Variants in TRPM3 observed in about 807,000 individuals in gnomAD.
The protein encoded by TRPM3 is transient receptor potential cation channel subfamily M member 3.
In TRPM3, 77 loss-of-function variants were observed where a neutral mutation model predicts 181.2. The observed-to-expected ratio is 0.42, with a 90% CI of 0.35 to 0.51. TRPM3 has a LOEUF of 0.51. Ranked by LOEUF, TRPM3 falls within the 20% of genes least tolerant of loss-of-function variation. The pLI is 0.01. For missense variants in TRPM3, 1,759 were observed against 2,196.7 expected, an observed-to-expected ratio of 0.80 and a Z score of 3.98; for synonymous variants, 745 against 796.4, an observed-to-expected ratio of 0.94 and a Z score of 1.09.
chr9:71,187,789 C>A (rs1053474895), intron 1 of TRPM3, among the ~76,000 whole-genome samples: 2 of 151,740 alleles, frequency 1.3e-5, no homozygotes, highest in African/African-American at 2.4e-5. Flanking sequence ...AATATATGAT[C>A]ATATATATGA....
At chr9:71,393,765 G>T (rs2093121474) in intron 1 of TRPM3, among the ~76,000 whole-genome samples, 1 of 152,144 alleles carries the variant, frequency 6.6e-6, no homozygotes, top group African/African-American at 2.4e-5. Context: ...TCAGGGTACT[G>T]AACAGTTGGC....
chr9:71,057,419 T>A (rs2060790604), intron 1 of TRPM3, among the ~76,000 whole-genome samples: 2 of 152,104 alleles, frequency 1.3e-5, no homozygotes, highest in Admixed American at 6.6e-5. Context: ...GTTAGACTGA[T>A]GCAGCATCAT....
At chr9:70,835,805 T>C (rs911091164) in intron 5 of TRPM3, among the ~76,000 whole-genome samples, 1 of 152,130 alleles carries the variant, frequency 6.6e-6, no homozygotes. Flanking sequence ...CTGTTATTAA[T>C]ATAGAGAAGC....
At chr9:70,811,263 T>C (rs1196677546) in intron 6 of TRPM3, 2 of 1,588,892 alleles carry the variant, frequency 1.3e-6, no homozygotes, top group African/African-American at 2.7e-5. Context: ...AAATAAAATC[T>C]TTGAAATTTC....
At chr9:71,163,387 T>C (rs1038269920) in intron 1 of TRPM3, among the ~76,000 whole-genome samples, 1 of 151,960 alleles carries the variant, frequency 6.6e-6, no homozygotes, top group African/African-American at 2.4e-5. Context: ...ATTAGGGAGA[T>C]GGAAATGGCA....
intron 1 of TRPM3, among the ~76,000 whole-genome samples, chr9:71,402,472 A>G (rs1368145807): frequency 6.6e-6 from 1 of 152,162 alleles, no homozygotes; most frequent in Non-Finnish European, 1.5e-5. Flanking sequence ...TGTCATGCAT[A>G]TATCAAAGGT....
At chr9:70,582,830 C>A (rs1444937853) in intron 22 of TRPM3, among the ~76,000 whole-genome samples, 1 of 152,132 alleles carries the variant, frequency 6.6e-6, no homozygotes, top group African/African-American at 2.4e-5. Flanking sequence ...TAAGAGATCC[C>A]TGTGGCCACA....
chr9:70,683,968 A>G (rs955043754), intron 8 of TRPM3, among the ~76,000 whole-genome samples: 1 of 152,212 alleles, frequency 6.6e-6, no homozygotes, highest in Non-Finnish European at 1.5e-5. Flanking sequence ...TGTATCATGT[A>G]CTTAGCTGGC....
At chr9:70,966,891 G>A (rs1241692260) in intron 1 of TRPM3, among the ~76,000 whole-genome samples, 1 of 152,020 alleles carries the variant, frequency 6.6e-6, no homozygotes, top group African/African-American at 2.4e-5. Context: ...TCAAATAAGA[G>A]TTTAAAAATG....
Position 70,625,154 on chromosome 9 carries a change from C to T in TRPM3, c.1809+37G>A, listed in dbSNP as rs1186012068. 2 of 1,612,164 alleles carry T rather than the reference C, an allele frequency of 1.2e-6. No homozygotes were observed. The highest frequency in any genetic ancestry group is 8.5e-7 in the Non-Finnish European group (1 of 1,178,976). ...AACCCAAATCCCATACACCCTAGTCCTCCCAGGAAGGGCCCCGAATTTGCA... is the reference window on the plus strand; with the variant it reads ...AACCCAAATCCCATACACCCTAGTCTTCCCAGGAAGGGCCCCGAATTTGCA... On this transcript the variant is annotated intron_variant, in intron 14 of 25. Transcript: ENST00000677713. This position sits in a 1 kb window ranked among gnomAD's most constrained non-coding sequence, Gnocchi z 4.8.
At chr9:71,291,408 G>A (rs2085797826) in intron 1 of TRPM3, among the ~76,000 whole-genome samples, 2 of 152,098 alleles carry the variant, frequency 1.3e-5, no homozygotes, top group Non-Finnish European at 2.9e-5. Flanking sequence ...TGTTTTGCCA[G>A]CAGTGCTCTT....
intron 1 of TRPM3, among the ~76,000 whole-genome samples, chr9:71,371,385 T>C (rs1022728005): frequency 3.3e-5 from 5 of 152,146 alleles, no homozygotes; most frequent in African/African-American, 9.6e-5. Flanking sequence ...GAGGTGAATA[T>C]AGCAACCTTA....
intron 1 of TRPM3, among the ~76,000 whole-genome samples, chr9:70,951,876 C>A (rs2097005183): frequency 6.6e-6 from 1 of 152,196 alleles, no homozygotes; most frequent in Admixed American, 6.6e-5. Context: ...TCTAGAATTT[C>A]TGATCAACTG....
At chr9:71,010,009 G>A (rs897676728) in intron 1 of TRPM3, among the ~76,000 whole-genome samples, 4 of 152,090 alleles carry the variant, frequency 2.6e-5, no homozygotes, top group Non-Finnish European at 5.9e-5. Flanking sequence ...AAATGATGCT[G>A]GGAAAATTGG....
chr9:71,165,652 A>C (rs1357242807), intron 1 of TRPM3, among the ~76,000 whole-genome samples: 1 of 152,076 alleles, frequency 6.6e-6, no homozygotes, highest in Non-Finnish European at 1.5e-5. Context: ...GAGGAACCTA[A>C]AGGGTAGCTC....
intron 8 of TRPM3, among the ~76,000 whole-genome samples, chr9:70,756,226 G>A (rs12684992): frequency 0.22 from 33,196 of 151,548 alleles, 4,457 homozygotes; most frequent in Non-Finnish European, 0.3. Context: ...TAAACCAACC[G>A]AGACCGAAAA....
At chr9:70,826,146 G>A (rs553470716) in intron 6 of TRPM3, 8 of 152,266 alleles carry the variant, frequency 5.3e-5, no homozygotes, top group Non-Finnish European at 5.9e-5. Flanking sequence ...TTAAGCTCTC[G>A]TTCTTAACTT....
chr9:71,270,464 A>G (rs2083707142), intron 1 of TRPM3, among the ~76,000 whole-genome samples: 1 of 152,212 alleles, frequency 6.6e-6, no homozygotes, highest in Non-Finnish European at 1.5e-5. Flanking sequence ...GACTCATCCT[A>G]TATAACCCTC....
chr9:71,091,729 T>C (rs915648845), intron 1 of TRPM3, among the ~76,000 whole-genome samples: 4 of 152,158 alleles, frequency 2.6e-5, no homozygotes, highest in African/African-American at 9.6e-5. Context: ...CAACCAGTCA[T>C]GTCTAATATA....
Sources: gnomAD v4.1 joint callset for allele counts (sites outside exome capture counted in the v4.1 genomes callset) on GRCh38, gnomAD v4.1.1 for gene constraint, Gnocchi (gnomAD v3.1) non-coding constraint, MANE v1.5 for transcripts, NCBI Gene and HGNC (gene_info 2026-07-23, HGNC 2026-07-21) for gene names.